NALCN: variants seen among roughly 807,000 people sequenced by gnomAD.
NALCN encodes sodium leak channel NALCN.
NALCN carries 111 observed loss-of-function variants against 225.3 expected under a neutral mutation model. The observed-to-expected ratio is 0.49, with a 90% CI of 0.42 to 0.58. The LOEUF (loss-of-function observed/expected upper bound fraction) is 0.58, where lower values mean the gene tolerates loss of function less well. Among genes scored for constraint, NALCN ranks in the 20% least tolerant of loss-of-function variants. The pLI, the probability that NALCN is intolerant of heterozygous loss-of-function variation, is 0.00. For missense variants in NALCN, 1,378 were observed against 2,202.4 expected, an observed-to-expected ratio of 0.63 and a Z score of 7.49; for synonymous variants, 764 against 769.0, an observed-to-expected ratio of 0.99 and a Z score of 0.11.
At chr13:101,359,066 T>C (rs2046148044) in intron 6 of NALCN, among the ~76,000 whole-genome samples, 1 of 151,896 alleles carries the variant, frequency 6.6e-6, no homozygotes, top group South Asian at 2.1e-4. Flanking sequence ...TTAGGACAAA[T>C]AGCTAATGCA....
At chr13:101,275,135 A>G (rs1488216272) in intron 10 of NALCN, among the ~76,000 whole-genome samples, 2 of 152,112 alleles carry the variant, frequency 1.3e-5, no homozygotes, top group African/African-American at 4.8e-5. Context: ...GCCCCCACGC[A>G]ACTTCATTTT....
At chr13:101,199,029 C>G (rs2040004387) in intron 13 of NALCN, among the ~76,000 whole-genome samples, 1 of 151,660 alleles carries the variant, frequency 6.6e-6, no homozygotes, top group African/African-American at 2.4e-5. Flanking sequence ...TCTCAGCAAA[C>G]TATCACAAGG....
chr13:101,396,955 G>A (rs1442717833), intron 2 of NALCN, among the ~76,000 whole-genome samples: 1 of 150,920 alleles, frequency 6.6e-6, no homozygotes, highest in African/African-American at 2.4e-5. Context: ...CTCTAAGTAT[G>A]AATGAAGGCC....
chr13:101,257,882 C>T (rs1219227623), intron 11 of NALCN, among the ~76,000 whole-genome samples: 1 of 152,034 alleles, frequency 6.6e-6, no homozygotes, highest in Non-Finnish European at 1.5e-5. Context: ...ATTACCTTAT[C>T]AATAGGAAGT....
intron 6 of NALCN, among the ~76,000 whole-genome samples, chr13:101,356,935 A>C (rs756725957): frequency 2.6e-5 from 4 of 152,208 alleles, no homozygotes; most frequent in Admixed American, 6.5e-5. Context: ...CAGAGACAAA[A>C]GCCACATGAT....
chr13:101,227,669 A>AATGAAACC (rs1481252818), intron 13 of NALCN, among the ~76,000 whole-genome samples: 2 of 152,156 alleles, frequency 1.3e-5, no homozygotes, highest in Non-Finnish European at 2.9e-5. Flanking sequence ...GTAAGCCCTC[A>AATGAAACC]ATGAAACCCC....
At chr13:101,341,651 A>G (rs188703781) in intron 7 of NALCN, among the ~76,000 whole-genome samples, 62 of 152,218 alleles carry the variant, frequency 4.1e-4, no homozygotes, top group Non-Finnish European at 2.9e-4. Flanking sequence ...TGTGGTCCTC[A>G]TTCTTTCAAT....
At chr13:101,412,452 C>T (rs2047816477) in intron 1 of NALCN, among the ~76,000 whole-genome samples, 1 of 152,190 alleles carries the variant, frequency 6.6e-6, no homozygotes, top group African/African-American at 2.4e-5. Context: ...GCTGCGGAGG[C>T]CTACCCCTGC....
At chr13:101,284,163 A>T (rs2043261449) in intron 9 of NALCN, 144 bp from the exon 10 acceptor site, 1 of 642,810 alleles carries the variant, frequency 1.6e-6, no homozygotes, top group Non-Finnish European at 2.6e-6. Context: ...TTTCAATTAT[A>T]GTTCTTTAAC....
At chr13:101,389,386 C>T (rs1376624122) in intron 3 of NALCN, among the ~76,000 whole-genome samples, 1 of 152,154 alleles carries the variant, frequency 6.6e-6, no homozygotes, top group East Asian at 1.9e-4. Flanking sequence ...AAACAAATGA[C>T]TACCAATGTC....
intron 3 of NALCN, among the ~76,000 whole-genome samples, chr13:101,381,422 C>G (rs938836915): frequency 3.3e-5 from 5 of 152,084 alleles, no homozygotes; most frequent in Non-Finnish European, 5.9e-5. Context: ...GGATCTTTAA[C>G]TATAAGCATC....
intron 37 of NALCN, 71 bp downstream of exon 37, chr13:101,073,513 G>A (rs2033040014): frequency 1.6e-6 from 2 of 1,280,724 alleles, no homozygotes; most frequent in Admixed American, 1.9e-5. Flanking sequence ...GGATGATCCT[G>A]CCAACATTGT....
At chr13:101,277,590 T>C (rs1162186276) in intron 10 of NALCN, among the ~76,000 whole-genome samples, 2 of 152,336 alleles carry the variant, frequency 1.3e-5, no homozygotes, top group Non-Finnish European at 2.9e-5. Flanking sequence ...TTTCTTAAAA[T>C]ACTAGGTTCA....
chr13:101,065,060 G>C (rs9585612), intron 40 of NALCN, among the ~76,000 whole-genome samples: 39 of 152,142 alleles, frequency 2.6e-4, no homozygotes, highest in African/African-American at 8.7e-4. Context: ...AAGTCACTCA[G>C]CTCTTCTGGG....
chr13:101,203,995 T>C (rs1801600762), intron 13 of NALCN, among the ~76,000 whole-genome samples: 1 of 152,236 alleles, frequency 6.6e-6, no homozygotes, highest in Non-Finnish European at 1.5e-5. Context: ...CTTTGCTCTA[T>C]GTCGTAAGTC....
Position 101,103,284 on chromosome 13 carries a change from G to A in NALCN, c.2945C>T (p.Ala982Val). 3.7e-6 allele frequency: 6 copies of A among 1,613,914 alleles called. No homozygotes were observed. The highest frequency in any genetic ancestry group is 5.1e-6 in the Non-Finnish European group (6 of 1,179,874). ...GCACCGAAGGACCATTAGAAGCTGA[G>A]CTCCCGATTCAGCAGGTACATTTTG... ...MPQNVPAESG[A>V]QLLMVLRCLR... The change falls in exon 26 of 44, where the codon GCT (alanine) becomes GTT (valine). Residue 982 changes from alanine to valine, a missense_variant. Coordinates refer to ENST00000251127, the MANE Select transcript of NALCN (RefSeq NM_052867.4).
At chr13:101,271,759 G>A (rs2042785545) in intron 10 of NALCN, among the ~76,000 whole-genome samples, 1 of 151,826 alleles carries the variant, frequency 6.6e-6, no homozygotes, top group Non-Finnish European at 1.5e-5. Context: ...CGTGAGGTGT[G>A]TGTGTGTATA....
At chr13:101,228,001 T>C (rs551301733) in intron 13 of NALCN, among the ~76,000 whole-genome samples, 16 of 152,276 alleles carry the variant, frequency 1.1e-4, no homozygotes, top group African/African-American at 3.6e-4. Context: ...GAATCGGCCT[T>C]GCCTCTGTGT....
chr13:101,335,503 C>T (rs898522932), intron 7 of NALCN, among the ~76,000 whole-genome samples: 1 of 152,112 alleles, frequency 6.6e-6, no homozygotes, highest in African/African-American at 2.4e-5. Context: ...TTGTCCTCGA[C>T]TCAACAAAAA....
Sources: gnomAD v4.1 joint callset for allele counts (sites outside exome capture counted in the v4.1 genomes callset) on GRCh38, gnomAD v4.1.1 for gene constraint, MANE v1.5 for transcripts, NCBI Gene and HGNC (gene_info 2026-07-23, HGNC 2026-07-21) for gene names.